Variants in L1CAM observed in about 807,000 individuals in gnomAD.
L1CAM encodes the protein neural cell adhesion molecule L1.
A neutral mutation model predicts 93.0 loss-of-function variants in L1CAM; 8 were observed. The observed-to-expected ratio is 0.09, with a 90% CI of 0.05 to 0.16. The LOEUF (loss-of-function observed/expected upper bound fraction) is 0.16, where lower values mean the gene tolerates loss of function less well. L1CAM is among the 10% of genes least tolerant of loss of function. The pLI, the probability that L1CAM is intolerant of heterozygous loss-of-function variation, is 1.00. For synonymous variants in L1CAM, 453 were observed against 453.0 expected (o/e 1.00, Z 0.00); for missense variants, 777 against 1,073.4 (o/e 0.72, Z 3.86).
chrX:153,867,567 A>G lies in L1CAM; in HGVS notation c.1940-14T>C. On this transcript the variant is annotated splice_polypyrimidine_tract_variant and intron_variant, in intron 16 of 28. Coordinates refer to ENST00000370060, the MANE Select transcript of L1CAM (RefSeq NM_001278116.2). ...CAATGTCATATTCTGCCAAGAAATG[A>G]ACCGACAATGGAGTGATCAGCATGT... The G allele has an allele frequency of 1.7e-6, 2 of 1,195,430 alleles. No homozygotes were observed. Among genetic ancestry groups the G allele is most frequent in the African/African-American group, 3.5e-5 (2 of 57,542 alleles).
chrX:153,869,274 T>G, intron 11 of L1CAM: 1 of 464,635 alleles, frequency 2.2e-6, no homozygotes, highest in Non-Finnish European at 3.8e-6. Flanking sequence ...TGGGCTGGCC[T>G]TGGTCACATC....
At chrX:153,869,375 G>A (rs1489894143) in intron 11 of L1CAM, 145 bp downstream of exon 11, 20 of 642,022 alleles carry the variant, frequency 3.1e-5, no homozygotes, top group South Asian at 4.8e-5. Context: ...GAGATGGGGC[G>A]AAGGGTGTCA....
intron 1 of L1CAM, chrX:153,884,163 A>G: frequency 1.1e-6 from 1 of 929,516 alleles, no homozygotes; most frequent in Non-Finnish European, 1.4e-6. Flanking sequence ...ATGCTGGTCC[A>G]GTTTGTCACT....
Position 153,875,948 on chromosome X carries a change from G to A in L1CAM, c.-108-4C>T, listed in dbSNP as rs1169681631. 5 of 589,915 alleles carry A rather than the reference G, an allele frequency of 8.5e-6. No homozygotes were observed. The East Asian group carries it at 1.7e-4, about 21-fold the overall frequency. 48.6% of individuals were successfully genotyped at this position (589,915 alleles called of 1,213,427 possible). The stretch of plus-strand genomic sequence containing the variant: ...GCGGGAGTTGGGAGTGGGGGCACTG[G>A]GAGAGGGGAGAAGGGAAGGGAAGGG... On this transcript the variant is annotated splice_polypyrimidine_tract_variant and splice_region_variant and intron_variant, in intron 1 of 28. Coordinates refer to ENST00000370060, the MANE Select transcript of L1CAM (RefSeq NM_001278116.2).
At chrX:153,877,557 G>T (rs1317952714) in intron 1 of L1CAM, among the ~76,000 whole-genome samples, 1 of 111,748 alleles carries the variant, frequency 8.9e-6, no homozygotes, top group East Asian at 2.8e-4. Flanking sequence ...AACCCAGGAG[G>T]CGGAAGTTGC....
At chrX:153,885,914 G>A in intron 1 of L1CAM, 151 bp downstream of exon 1, 1 of 847,138 alleles carries the variant, frequency 1.2e-6, no homozygotes, top group African/African-American at 2.2e-5. Flanking sequence ...CCCGACGCCC[G>A]GCATGGGTGG....
In L1CAM at chrX:153,875,873, C is replaced by A; in HGVS notation, c.-37G>T. 1.7e-6 allele frequency: 2 copies of A among 1,183,695 alleles called. No homozygotes were observed. Among genetic ancestry groups the A allele is most frequent in the Non-Finnish European group, 2.3e-6 (2 of 877,361 alleles). ...GCACCGCGCAGCACAGCCAGCCGGG[C>A]TCGGTTCAGGCTCCGGCCGGAGGGG... On this transcript the variant is annotated 5_prime_UTR_variant, in exon 2 of 29. Coordinates refer to ENST00000370060, the MANE Select transcript of L1CAM (RefSeq NM_001278116.2).
Position 153,872,642 on chromosome X carries a change from G to A in L1CAM, c.147C>T (p.Pro49=), listed in dbSNP as rs1195982808. The part of the protein sequence containing the change: ...EQSPRRLVVF[P]TDDISLKCEA... Reference sequence around the variant, plus strand: ...CACACTTGAGGCTGATGTCATCTGTGGGGAAGACAACCAGGCGCCGTGGAG... The same window carrying A: ...CACACTTGAGGCTGATGTCATCTGTAGGGAAGACAACCAGGCGCCGTGGAG... Residue 49 remains proline, a synonymous_variant, in exon 4 of 29, where the codon CCC becomes CCT. Transcript: ENST00000370060. 3.3e-6 allele frequency: 4 copies of A among 1,210,722 alleles called. No homozygotes were observed. The highest frequency in any genetic ancestry group is 4.5e-6 in the Non-Finnish European group (4 of 894,660).
chrX:153,885,226 G>GGGACCGCCTGAGCCAGTGA (rs1318480553), intron 1 of L1CAM: 5 of 319,083 alleles, frequency 1.6e-5, no homozygotes, highest in African/African-American at 1.4e-4. Context: ...GCAGTGCGCA[G>GGGACCGCCTGAGCCAGTGA]GGACCGCCTG....
At chrX:153,867,636 TC>T in intron 16 of L1CAM, 83 bp from the exon 17 acceptor site, 1 of 1,007,143 alleles carries the variant, frequency 9.9e-7, no homozygotes, top group East Asian at 3.0e-5. Context: ...ACAGTCTGGG[TC>T]CCTGATTACC....
chrX:153,885,411 C>A, intron 1 of L1CAM: 1 of 981,731 alleles, frequency 1.0e-6, no homozygotes, highest in Non-Finnish European at 1.3e-6. Flanking sequence ...CGGGGAGGAG[C>A]CCCTGGCTCT....
Position 153,864,486 on chromosome X carries a change from G to T in L1CAM, c.3167-9C>A. On this transcript the variant is annotated splice_polypyrimidine_tract_variant and intron_variant, in intron 24 of 28. Transcript: ENST00000370060. ...AGCCCCACCCTTCTCTTCTGCCAGG[G>T]AGAGAGGGTGGCAGCAGGGGTGAGT... is the stretch of plus-strand genomic sequence containing the variant. 1 of 1,210,002 alleles carries T rather than the reference G, an allele frequency of 8.3e-7. No homozygotes were observed. The highest frequency in any genetic ancestry group is 1.1e-6 in the Non-Finnish European group (1 of 893,990).
Position 153,868,077 on chromosome X carries a change from G to A in L1CAM, c.1749C>T (p.Tyr583=). Residue 583 remains tyrosine (Y), a synonymous_variant, in exon 15 of 29, where the codon TAC becomes TAT. Transcript: ENST00000370060. ...DGRLVIHSLD[Y]SDQGNYSCVA... ...CGCAGCTGTAGTTGCCCTGGTCGCT[G>A]TAGTCCAGGCTGTGGATGACCAGGC... 1 of 1,210,501 alleles carries A rather than the reference G, an allele frequency of 8.3e-7. No individual in the cohort carries two copies. Among genetic ancestry groups the A allele is most frequent in the Non-Finnish European group, 1.1e-6 (1 of 894,856 alleles).
chrX:153,883,815 C>G, intron 1 of L1CAM: 1 of 343,185 alleles, frequency 2.9e-6, no homozygotes, highest in South Asian at 2.6e-5. Context: ...CTGGGCCACT[C>G]TGCGAGGCCG....
intron 2 of L1CAM, among the ~76,000 whole-genome samples, chrX:153,875,286 G>T (rs1396826423): frequency 1.8e-5 from 2 of 111,975 alleles, no homozygotes; most frequent in African/African-American, 3.2e-5. Flanking sequence ...CAGAGACAGG[G>T]TGACCAAGGG....
At chrX:153,867,768 C>T (rs373488819) in intron 16 of L1CAM, 32 bp downstream of exon 16, 29 of 1,153,630 alleles carry the variant, frequency 2.5e-5, no homozygotes, top group African/African-American at 7.1e-5. Flanking sequence ...GCAGAAGTGA[C>T]GGTGGGGTGG....
At chrX:153,885,509 C>A (rs1370306591) in intron 1 of L1CAM, 5 of 713,150 alleles carry the variant, frequency 7.0e-6, no homozygotes, top group African/African-American at 2.2e-5. Flanking sequence ...AACCTTGGGG[C>A]GGAGGGGCAG....
intron 3 of L1CAM, 96 bp downstream of exon 3, chrX:153,873,132 C>G: frequency 1.1e-6 from 1 of 874,016 alleles, no homozygotes; most frequent in Non-Finnish European, 1.7e-6. Context: ...AGCAGGGCCC[C>G]GGCACTCAGG....
chrX:153,867,685 G>A, intron 16 of L1CAM, 115 bp downstream of exon 16: 16 of 958,564 alleles, frequency 1.7e-5, no homozygotes, highest in Non-Finnish European at 2.2e-5. Context: ...ATGAGGAACC[G>A]TGAGTCCCCC....
Sources: gnomAD v4.1 joint callset for allele counts (sites outside exome capture counted in the v4.1 genomes callset) on GRCh38, gnomAD v4.1.1 for gene constraint, MANE v1.5 for transcripts, NCBI Gene and HGNC (gene_info 2026-07-23, HGNC 2026-07-21) for gene names.